Variants in COL11A2 observed in about 807,000 individuals in gnomAD.
COL11A2 encodes the protein collagen alpha-2(XI) chain.
Under a neutral mutation model 273.4 loss-of-function variants are expected in COL11A2, and 116 were observed. The ratio of observed to expected loss-of-function variants is 0.42; its 90% CI spans 0.36 to 0.49. COL11A2 has a LOEUF of 0.49. Among genes scored for constraint, COL11A2 ranks in the 20% least tolerant of loss-of-function variants. The pLI, the probability that COL11A2 is intolerant of heterozygous loss-of-function variation, is 0.00. For synonymous variants in COL11A2, 782 were observed against 864.2 expected, an observed-to-expected ratio of 0.90 and a Z score of 1.67; for missense variants, 1,866 against 2,309.0, an observed-to-expected ratio of 0.81 and a Z score of 3.93.
intron 8 of COL11A2, among the ~76,000 whole-genome samples, chr6:33,182,426 T>G (rs1771846242): frequency 1.3e-5 from 2 of 151,790 alleles, no homozygotes; most frequent in African/African-American, 4.8e-5. Context: ...TAAGTAAATT[T>G]GGAGGCCAGG....
At position 33,170,877 on chromosome 6, in the gene COL11A2, T is replaced by C; in HGVS notation, c.3407A>G (p.His1136Arg). The change falls in exon 46 of 66, where the codon CAC becomes CGC. Residue 1136 changes from histidine to arginine, a missense_variant. His to Arg is a conservative substitution (Grantham distance 29, BLOSUM62 0). Transcript: ENST00000341947. The surrounding 1 kb of genome is among the most constrained non-coding windows in gnomAD (Gnocchi z 4.3). Reference sequence around the variant, plus strand: ...TCCTTCATCACCTTTGGCTCCAAAGTGTCCCTGGGGTCCCCGAGCTCCGGG... The same window carrying C: ...TCCTTCATCACCTTTGGCTCCAAAGCGTCCCTGGGGTCCCCGAGCTCCGGG... ...GEPGARGPQGHFGAKGDEGTR... is the reference protein window; with the variant it reads ...GEPGARGPQGRFGAKGDEGTR... The C allele has an allele frequency of 6.2e-7, 1 of 1,612,800 alleles. No individual in the cohort carries two copies. The highest frequency in any genetic ancestry group is 8.5e-7 in the Non-Finnish European group (1 of 1,179,928).
chr6:33,169,700 A>C lies in COL11A2; in HGVS notation c.3690+131T>G, dbSNP rs1769754988. On this transcript the variant is annotated intron_variant, in intron 50 of 65. Transcript: ENST00000341947. This position sits in a 1 kb window ranked among gnomAD's most constrained non-coding sequence, Gnocchi z 5.5. ...TCACTCAGACCAGGGATCAGGCCTC[A>C]TAGAGGATGGCAGGGAGCAGAGACT... 1.6e-6 allele frequency: 2 copies of C among 1,251,636 alleles called. No individual in the cohort carries two copies. Among genetic ancestry groups the C allele is most frequent in the Non-Finnish European group, 2.3e-6 (2 of 851,758 alleles). The allele number at this position is 1,251,636 out of a possible 1,614,324, so 77.5% of individuals were successfully genotyped here.
chr6:33,186,381 G>A (rs1772422836), intron 5 of COL11A2: 1 of 1,408,326 alleles, frequency 7.1e-7, no homozygotes, highest in African/African-American at 1.4e-5. Context: ...AAAACCCAGG[G>A]ACACAGTTCC....
In COL11A2 at chr6:33,163,455, G is replaced by C. The variant is rs1225496713; in HGVS notation, c.*223C>G. The C allele has an allele frequency of 3.2e-6, 2 of 621,166 alleles. No homozygotes were observed. Among genetic ancestry groups the C allele is most frequent in the Admixed American group, 5.8e-5 (2 of 34,272 alleles). 38.5% of individuals were successfully genotyped at this position (621,166 alleles called of 1,614,324 possible). ...GTCTCAGCTCTCTAACGGGTAACAG[G>C]CTCCAGGTGGGAGGGCCAAGAGCCC... On this transcript the variant is annotated 3_prime_UTR_variant, in exon 66 of 66. Coordinates refer to ENST00000341947, the MANE Select transcript of COL11A2 (RefSeq NM_080680.3). The surrounding 1 kb of genome is among the most constrained non-coding windows in gnomAD (Gnocchi z 4.1).
At position 33,164,817 on chromosome 6, in the gene COL11A2, G is replaced by A; in HGVS notation, c.4863+35C>T. 2.0e-6 allele frequency: 3 copies of A among 1,531,524 alleles called. No homozygotes were observed. The highest frequency in any genetic ancestry group is 1.2e-5 in the South Asian group (1 of 83,438). The allele number at this position is 1,531,524 out of a possible 1,614,324, so 94.9% of individuals were successfully genotyped here. A position where few individuals can be genotyped will look rare whatever the true frequency, so the allele number is the denominator to read the frequency against. ...CTAAGCCCTGAGGGGGTGCACTATG[G>A]GGCAGGGGAGGGGCAGCGAGGGGCC... On this transcript the variant is annotated intron_variant, in intron 64 of 65. Coordinates refer to ENST00000341947, the MANE Select transcript of COL11A2 (RefSeq NM_080680.3). This position sits in a 1 kb window ranked among gnomAD's most constrained non-coding sequence, Gnocchi z 4.7.
chr6:33,183,167 T>C (rs1343955790), intron 8 of COL11A2, among the ~76,000 whole-genome samples: 1 of 152,030 alleles, frequency 6.6e-6, no homozygotes. Flanking sequence ...CTGGAAGATA[T>C]GAGAACAACT....
chr6:33,172,508 C>T (rs1770252855), intron 39 of COL11A2, 22 bp downstream of exon 39: 1 of 1,608,506 alleles, frequency 6.2e-7, no homozygotes, highest in Admixed American at 1.7e-5. Context: ...CCCACTTCCC[C>T]TCTGCCTGGC....
Position 33,166,200 on chromosome 6 carries a change from C to A in COL11A2, c.4399G>T (p.Ala1467Ser), listed in dbSNP as rs779385536. ...PGGPPGLPGP[A>S]GPKGAKGATG... ...GCTCCTTTGGCTCCTTTGGGGCCAG[C>A]AGGTCCCTGTGAAATGAGGAACAAG... The change falls in exon 61 of 66, where the codon GCT becomes TCT. Residue 1467 changes from alanine (A) to serine (S), a missense_variant. By Grantham distance (99) the Ala-to-Ser change is moderately conservative. Coordinates refer to ENST00000341947, the MANE Select transcript of COL11A2 (RefSeq NM_080680.3). The surrounding 1 kb of genome is among the most constrained non-coding windows in gnomAD (Gnocchi z 4.8). 17 of 1,601,286 alleles carry A rather than the reference C, an allele frequency of 1.1e-5. No homozygotes were observed. In the South Asian group the frequency reaches 1.8e-4, roughly 17 times the overall value.
rs370799187 is a variant in COL11A2, at chr6:33,183,431, G to A, written c.1119+714C>T. Among the ~76,000 whole-genome samples, 240 of 152,314 alleles carry A rather than the reference G, an allele frequency of 1.6e-3. 6 individuals are homozygous for A. The South Asian group carries it at 0.033, about 21-fold the overall frequency. On this transcript the variant is annotated intron_variant, in intron 8 of 65. Transcript: ENST00000341947. ...CTGCAAAGGGAATCATGACAGTGAA[G>A]GGTAATTCTTCCAGAAAACACAAAC...
chr6:33,174,450 C>T, intron 31 of COL11A2, 77 bp downstream of exon 31: 3 of 1,569,992 alleles, frequency 1.9e-6, no homozygotes, highest in Non-Finnish European at 2.6e-6. Flanking sequence ...TGCATCTGTG[C>T]TTTCTGGAAT....
chr6:33,186,397 G>C, intron 5 of COL11A2: 4 of 1,424,310 alleles, frequency 2.8e-6, no homozygotes, highest in Non-Finnish European at 3.7e-6. Context: ...GTTCCAGGAA[G>C]ACTGGAAGAG....
Position 33,165,920 on chromosome 6 carries a change from TC to T in COL11A2, c.4482+10del, listed in dbSNP as rs1482187854. On this transcript the variant is annotated intron_variant, in intron 62 of 65. Transcript: ENST00000341947. The surrounding 1 kb of genome is among the most constrained non-coding windows in gnomAD (Gnocchi z 7.7). ...GTACGGCCCTGGGAGCAGCCCTGAC[TC>T]CTCACTCACCGGGTGTCCTGGAGGG... is the stretch of plus-strand genomic sequence containing the variant. 1 of 1,613,818 alleles carries T rather than the reference TC, an allele frequency of 6.2e-7. No individual in the cohort carries two copies. Among genetic ancestry groups the T allele is most frequent in the South Asian group, 1.1e-5 (1 of 91,074 alleles).
In COL11A2 at chr6:33,165,712, C is replaced by T. The variant is rs765931315; in HGVS notation, c.4587G>A (p.Pro1529=). 60 of 1,610,948 alleles carry T rather than the reference C, an allele frequency of 3.7e-5. No homozygotes were observed. The East Asian group carries it at 8.9e-4, about 24-fold the overall frequency. ...CAGGACTGCCGGGGGCTCCCCCGGT[C>T]GGTATGGCCTCATCTTCCTGCATCA... ...SRLMQEDEAI[P]TGGAPGSPGG... Residue 1529 remains proline (P), a synonymous_variant, in exon 63 of 66, where the codon CCG becomes CCA. Coordinates refer to ENST00000341947, the MANE Select transcript of COL11A2 (RefSeq NM_080680.3). This position sits in a 1 kb window ranked among gnomAD's most constrained non-coding sequence, Gnocchi z 7.7.
At position 33,163,840 on chromosome 6, in the gene COL11A2, A is replaced by C; in HGVS notation, c.5071-22T>G. The C allele has an allele frequency of 1.9e-6, 3 of 1,612,852 alleles. No homozygotes were observed. Among genetic ancestry groups the C allele is most frequent in the Non-Finnish European group, 2.5e-6 (3 of 1,179,880 alleles). ...GTGTCTTCAGGGGGAGACAAGGAAG[A>C]AAGTGTGAGCAGGATGGAGGCACCC... On this transcript the variant is annotated intron_variant, in intron 65 of 65. Transcript: ENST00000341947. The surrounding 1 kb of genome is among the most constrained non-coding windows in gnomAD (Gnocchi z 4.1).
Position 33,179,883 on chromosome 6 carries a change from G to A in COL11A2, c.1360-78C>T, listed in dbSNP as rs758477474. ...CTCCCAGCCAGAGGCTTTCTCCAGC[G>A]TTTCTGCCCCTTGCCCCAGGTTCTG... On this transcript the variant is annotated intron_variant, in intron 12 of 65. Transcript: ENST00000341947. The surrounding 1 kb of genome is among the most constrained non-coding windows in gnomAD (Gnocchi z 6.4). The A allele has an allele frequency of 1.8e-5, 25 of 1,366,202 alleles. No individual in the cohort carries two copies. Among genetic ancestry groups the A allele is most frequent in the African/African-American group, 4.3e-5 (3 of 70,204 alleles). 84.6% of individuals were successfully genotyped at this position (1,366,202 alleles called of 1,614,324 possible).
chr6:33,165,147 C>T lies in COL11A2; in HGVS notation c.4751-183G>A, dbSNP rs1768929625. 6.6e-6 allele frequency among the ~76,000 whole-genome samples: 1 copy of T among 152,114 alleles called. No individual in the cohort carries two copies. The highest frequency in any genetic ancestry group is 2.4e-5 in the African/African-American group (1 of 41,430). On this transcript the variant is annotated intron_variant, in intron 63 of 65. Coordinates refer to ENST00000341947, the MANE Select transcript of COL11A2 (RefSeq NM_080680.3). This position sits in a 1 kb window ranked among gnomAD's most constrained non-coding sequence, Gnocchi z 7.7. The stretch of plus-strand genomic sequence containing the variant: ...TGGATTCTACTGCAGCATCCTACTG[C>T]TGCAGCCCACTTTCATCACGTGACA...
chr6:33,186,884 A>G, intron 4 of COL11A2, 66 bp from the exon 5 acceptor site: 1 of 1,606,314 alleles, frequency 6.2e-7, no homozygotes, highest in Non-Finnish European at 8.5e-7. Flanking sequence ...CATCCGGGAG[A>G]AAGAGTATAG....
At chr6:33,193,378 C>A (rs533011322), upstream of COL11A2, among the ~76,000 whole-genome samples, 10 of 147,114 alleles carry the variant, frequency 6.8e-5, no homozygotes, top group Admixed American at 3.3e-4. Context: ...CACCGCCCCC[C>A]CTTCCTCCTC....
Position 33,192,274 on chromosome 6 carries a change from C to G in COL11A2, c.-34G>C. ...AGCCGAAACGCCGGGTCCCAGGGAC[C>G]CAGGTCGGCCTGAGACGCTGGATGC... On this transcript the variant is annotated 5_prime_UTR_variant, in exon 1 of 66. Coordinates refer to ENST00000341947, the MANE Select transcript of COL11A2 (RefSeq NM_080680.3). The G allele has an allele frequency of 6.5e-7, 1 of 1,547,878 alleles. No homozygotes were observed. The highest frequency in any genetic ancestry group is 8.7e-7 in the Non-Finnish European group (1 of 1,145,686).
Sources: allele counts gnomAD v4.1 joint callset (sites outside exome capture counted in the v4.1 genomes callset), GRCh38; gene constraint gnomAD v4.1.1; non-coding constraint Gnocchi (gnomAD v3.1); transcripts MANE v1.5; gene names NCBI Gene and HGNC (gene_info 2026-07-23, HGNC 2026-07-21).